RUBCNL: variants seen among roughly 807,000 people sequenced by gnomAD.
RUBCNL encodes the protein rubicon like autophagy enhancer.
Under a neutral mutation model 69.5 loss-of-function variants are expected in RUBCNL, and 62 were observed. The observed-to-expected ratio is 0.89, with a 90% confidence interval of 0.73 to 1.10. The LOEUF (loss-of-function observed/expected upper bound fraction) is 1.10, where lower values mean the gene tolerates loss of function less well. Ranked by LOEUF, RUBCNL falls within the 50% of genes least tolerant of loss-of-function variation. The pLI is 0.00. For missense variants in RUBCNL, 768 were observed against 798.1 expected (o/e 0.96, Z 0.45); for synonymous variants, 291 against 303.6 (o/e 0.96, Z 0.43).
intron 5 of RUBCNL, among the ~76,000 whole-genome samples, chr13:46,366,907 G>A (rs929529501): frequency 2.6e-5 from 4 of 152,174 alleles, no homozygotes; most frequent in South Asian, 2.1e-4. Context: ...CCAGCCAGAC[G>A]GACAAGCCTC....
chr13:46,387,485 G>A (rs2049279524), upstream of RUBCNL: 2 of 985,436 alleles, frequency 2.0e-6, no homozygotes, highest in African/African-American at 3.5e-5. Context: ...GCCTCTGCCG[G>A]TCCTCCTAGA....
chr13:46,375,465 G>A (rs969174758), intron 2 of RUBCNL, among the ~76,000 whole-genome samples: 8 of 152,052 alleles, frequency 5.3e-5, no homozygotes, highest in South Asian at 2.1e-4. Flanking sequence ...CCTGGCAGGC[G>A]GAGGTTGCAG....
intron 3 of RUBCNL, among the ~76,000 whole-genome samples, chr13:46,369,054 C>T (rs559875290): frequency 2.0e-5 from 3 of 152,168 alleles, no homozygotes; most frequent in South Asian, 2.1e-4. Flanking sequence ...CCTCAGCCAC[C>T]GGAGTGGAGG....
At chr13:46,382,656 C>A (rs1320432681) in intron 1 of RUBCNL, among the ~76,000 whole-genome samples, 5 of 152,196 alleles carry the variant, frequency 3.3e-5, no homozygotes, top group Non-Finnish European at 7.3e-5. Context: ...GCCTTAACCT[C>A]CCAAGTAGCT....
intron 10 of RUBCNL, among the ~76,000 whole-genome samples, chr13:46,355,298 T>C (rs1214381454): frequency 2.0e-5 from 3 of 150,698 alleles, no homozygotes; most frequent in African/African-American, 7.3e-5. Flanking sequence ...CCCGAGCTTT[T>C]TTTTTTTTTT....
At chr13:46,366,382 T>C (rs898934980) in intron 5 of RUBCNL, among the ~76,000 whole-genome samples, 2 of 152,042 alleles carry the variant, frequency 1.3e-5, no homozygotes, top group African/African-American at 2.4e-5. Context: ...TAGAAGTAGG[T>C]AGGCTACAGA....
Position 46,338,035 on chromosome 13 carries a change from A to C in RUBCNL, c.*5350T>G, listed in dbSNP as rs917477040. On this transcript the variant is annotated 3_prime_UTR_variant, in exon 15 of 15. Transcript: ENST00000429979. ...CAGTAGAATAATGAGGTAAATGCAG[A>C]TATCAGAGTGTAAGGAGAAGGGAGC... 6.6e-6 allele frequency among the ~76,000 whole-genome samples: 1 copy of C among 152,160 alleles called. No individual in the cohort carries two copies. Among genetic ancestry groups the C allele is most frequent in the African/African-American group, 2.4e-5 (1 of 41,458 alleles).
chr13:46,362,666 A>G, intron 6 of RUBCNL, 68 bp from the exon 7 acceptor site: 1 of 1,088,138 alleles, frequency 9.2e-7, no homozygotes, highest in Non-Finnish European at 1.4e-6. Context: ...AGTCCATTTT[A>G]TAAGAACACT....
intron 12 of RUBCNL, among the ~76,000 whole-genome samples, chr13:46,347,734 G>A (rs990872882): frequency 1.4e-4 from 21 of 152,276 alleles, no homozygotes; most frequent in African/African-American, 4.8e-4. Context: ...GCTCATGCCT[G>A]TAATCCCAGC....
chr13:46,362,918 AACATCATATATATATATATAGATATAT>A (rs1281792589), intron 6 of RUBCNL, among the ~76,000 whole-genome samples, 170 bp downstream of exon 6: 1 of 131,334 alleles, frequency 7.6e-6, no homozygotes, highest in Non-Finnish European at 1.6e-5. Flanking sequence ...TTGAAACAAG[AACATCATATATATATATATAGATATAT>A]ATATATATAT....
chr13:46,389,571 G>A (rs2138876663), upstream of RUBCNL, among the ~76,000 whole-genome samples: 1 of 152,300 alleles, frequency 6.6e-6, no homozygotes, highest in East Asian at 1.9e-4. This position sits in a 1 kb window ranked among gnomAD's most constrained non-coding sequence, Gnocchi z 4.2. Flanking sequence ...CAAGATTGTG[G>A]GCTTTAGTCA....
intron 10 of RUBCNL, among the ~76,000 whole-genome samples, chr13:46,352,529 G>A (rs1476397761): frequency 6.6e-6 from 1 of 152,218 alleles, no homozygotes; most frequent in Non-Finnish European, 1.5e-5. Flanking sequence ...GCCTGGCCGG[G>A]TGCGGTGGCT....
At chr13:46,359,707 G>A in intron 8 of RUBCNL, 76 bp from the exon 9 acceptor site, 1 of 1,312,818 alleles carries the variant, frequency 7.6e-7, no homozygotes, top group Non-Finnish European at 1.0e-6. Context: ...ACATCTAAAT[G>A]TATTTCCAAC....
At chr13:46,379,339 G>C (rs1031759929) in intron 1 of RUBCNL, among the ~76,000 whole-genome samples, 13 of 152,164 alleles carry the variant, frequency 8.5e-5, no homozygotes, top group Admixed American at 5.9e-4. Context: ...GCCTCCCAAA[G>C]TGCTGGGATT....
intron 10 of RUBCNL, chr13:46,351,088 C>T (rs2048359189): frequency 6.8e-6 from 1 of 147,962 alleles, no homozygotes; most frequent in South Asian, 2.1e-4. Context: ...CATAGTGGGA[C>T]CCCATCTCCA....
chr13:46,377,847 G>T, intron 2 of RUBCNL, 43 bp downstream of exon 2: 1 of 1,121,548 alleles, frequency 8.9e-7, no homozygotes, highest in African/African-American at 1.5e-5. Context: ...GTCACAGCTG[G>T]GCAGTGGCAG....
At chr13:46,362,330 T>C (rs2048632108) in intron 7 of RUBCNL, among the ~76,000 whole-genome samples, 1 of 152,150 alleles carries the variant, frequency 6.6e-6, no homozygotes, top group African/African-American at 2.4e-5. Flanking sequence ...TAAATGAAAA[T>C]GCATACAAAA....
chr13:46,363,540 G>C (rs2048679661), intron 5 of RUBCNL, among the ~76,000 whole-genome samples: 1 of 152,098 alleles, frequency 6.6e-6, no homozygotes, highest in Non-Finnish European at 1.5e-5. Context: ...CAAATCACAC[G>C]ATTAAATACT....
intron 5 of RUBCNL, among the ~76,000 whole-genome samples, chr13:46,363,464 T>C (rs1342311475): frequency 2.6e-5 from 4 of 152,180 alleles, no homozygotes; most frequent in Non-Finnish European, 4.4e-5. Flanking sequence ...CTGCAGTCCA[T>C]CCAATGTTTT....
Sources: gnomAD v4.1 joint callset for allele counts (sites outside exome capture counted in the v4.1 genomes callset) on GRCh38, gnomAD v4.1.1 for gene constraint, Gnocchi (gnomAD v3.1) non-coding constraint, MANE v1.5 for transcripts, NCBI Gene and HGNC (gene_info 2026-07-23, HGNC 2026-07-21) for gene names.